PCCA: variants seen among roughly 807,000 people sequenced by gnomAD.
PCCA encodes propionyl-CoA carboxylase alpha chain, mitochondrial.
Under a neutral mutation model 101.3 loss-of-function variants are expected in PCCA, and 74 were observed. The observed-to-expected ratio is 0.73, with a 90% CI of 0.61 to 0.89. PCCA has a LOEUF of 0.89. Among genes scored for constraint, PCCA ranks in the 40% least tolerant of loss-of-function variants. PCCA has a pLI of 0.00. For synonymous variants in PCCA, 294 were observed against 313.6 expected (o/e 0.94, Z 0.66); for missense variants, 891 against 907.0 (o/e 0.98, Z 0.23).
chr13:100,327,759 C>T (rs55985544), intron 16 of PCCA, among the ~76,000 whole-genome samples: 13,184 of 152,190 alleles, frequency 0.087, 764 homozygotes, highest in Non-Finnish European at 0.13. Flanking sequence ...CCATGTAAAT[C>T]GGTATATTGA....
intron 16 of PCCA, among the ~76,000 whole-genome samples, chr13:100,318,413 T>C (rs2067619752): frequency 6.6e-6 from 1 of 152,074 alleles, no homozygotes; most frequent in Non-Finnish European, 1.5e-5. Context: ...TCATGTGCCA[T>C]GTTGGTGTGC....
chr13:100,347,224 C>T (rs956492534), intron 18 of PCCA, among the ~76,000 whole-genome samples: 5 of 152,182 alleles, frequency 3.3e-5, no homozygotes, highest in Non-Finnish European at 5.9e-5. Context: ...AGCTATCGCA[C>T]ACTTAATAGA....
At chr13:100,200,077 T>G (rs1206492080) in intron 6 of PCCA, among the ~76,000 whole-genome samples, 1 of 152,084 alleles carries the variant, frequency 6.6e-6, no homozygotes, top group South Asian at 2.1e-4. Context: ...TGTTTTACAT[T>G]TTCTGTTCCA....
In PCCA at chr13:100,140,366, G is replaced by A. The variant is rs79599831; in HGVS notation, c.301-14613G>A. Among the ~76,000 whole-genome samples the A allele has an allele frequency of 6.0e-3, 914 of 152,170 alleles. 5 individuals are homozygous for A. The highest frequency in any genetic ancestry group is 0.01 in the Non-Finnish European group (692 of 68,006). ...CTTGCTGGCATCTATGTCTGCCTCTGGTACCACAGCCACAAAATTACTTGG... is the reference window on the plus strand; with the variant it reads ...CTTGCTGGCATCTATGTCTGCCTCTAGTACCACAGCCACAAAATTACTTGG... On this transcript the variant is annotated intron_variant, in intron 4 of 23. Coordinates refer to ENST00000376285, the MANE Select transcript of PCCA (RefSeq NM_000282.4).
chr13:100,392,473 G>A (rs143599804), intron 19 of PCCA, among the ~76,000 whole-genome samples: 1,723 of 152,306 alleles, frequency 0.011, 40 homozygotes, highest in African/African-American at 0.039. Context: ...CCTAGGAAAT[G>A]TGATTTCAAA....
chr13:100,250,589 C>T (rs538038693), intron 8 of PCCA, among the ~76,000 whole-genome samples: 78 of 151,920 alleles, frequency 5.1e-4, no homozygotes, highest in Admixed American at 9.2e-4. Context: ...TTTGTAACAA[C>T]TGTTTTAAGA....
At chr13:100,252,346 C>T (rs1214647683) in intron 8 of PCCA, among the ~76,000 whole-genome samples, 1 of 152,184 alleles carries the variant, frequency 6.6e-6, no homozygotes, top group Non-Finnish European at 1.5e-5. Context: ...CATCACATCT[C>T]CTTGATTCAT....
At chr13:100,296,311 C>T (rs1009409739) in intron 12 of PCCA, among the ~76,000 whole-genome samples, 1 of 151,838 alleles carries the variant, frequency 6.6e-6, no homozygotes, top group African/African-American at 2.4e-5. Context: ...CTCCATCTTG[C>T]CTCACTGCAG....
Position 100,520,497 on chromosome 13 carries a change from C to T in PCCA, c.2040+4930C>T, listed in dbSNP as rs956330469. ...AAAAATACAAAAAATTAGCCGGGCG[C>T]AGTGGCGGGCGCCTGTAGTCCCAGC... On this transcript the variant is annotated intron_variant, in intron 22 of 23. Transcript: ENST00000376285. Among the ~76,000 whole-genome samples, 221 of 151,590 alleles carry T rather than the reference C, an allele frequency of 1.5e-3. 1 individual carries two copies. Among genetic ancestry groups the T allele is most frequent in the African/African-American group, 3.0e-3 (125 of 41,398 alleles).
At chr13:100,137,131 T>C (rs575185092) in intron 4 of PCCA, among the ~76,000 whole-genome samples, 2 of 152,250 alleles carry the variant, frequency 1.3e-5, no homozygotes, top group East Asian at 3.9e-4. Context: ...TTATTTAAAA[T>C]TGTTTAATTT....
chr13:100,482,634 G>A (rs1422045099), intron 21 of PCCA, among the ~76,000 whole-genome samples: 1 of 152,214 alleles, frequency 6.6e-6, no homozygotes, highest in East Asian at 1.9e-4. Context: ...CGTTCCCCAA[G>A]CTGAAATGCA....
intron 8 of PCCA, among the ~76,000 whole-genome samples, chr13:100,238,421 C>G (rs2060935352): frequency 6.6e-6 from 1 of 151,682 alleles, no homozygotes; most frequent in Non-Finnish European, 1.5e-5. Context: ...AGTCTTTTTT[C>G]TTTGTACTTG....
chr13:100,445,305 A>G (rs1268977700), intron 20 of PCCA, among the ~76,000 whole-genome samples: 1 of 152,176 alleles, frequency 6.6e-6, no homozygotes, highest in Non-Finnish European at 1.5e-5. Flanking sequence ...GAGGAGATAA[A>G]CTTTCAAACT....
intron 8 of PCCA, chr13:100,236,874 A>C (rs1358154277): frequency 6.6e-6 from 1 of 152,242 alleles, no homozygotes. Context: ...CAATATTGTT[A>C]AATAACTTTG....
At chr13:100,484,294 T>A (rs972513313) in intron 21 of PCCA, among the ~76,000 whole-genome samples, 8 of 152,284 alleles carry the variant, frequency 5.3e-5, no homozygotes, top group East Asian at 1.9e-4. Context: ...AGATCCACCG[T>A]GTTCTGCAGG....
chr13:100,360,486 A>G (rs1485973190), intron 18 of PCCA, among the ~76,000 whole-genome samples: 1 of 152,212 alleles, frequency 6.6e-6, no homozygotes, highest in African/African-American at 2.4e-5. Context: ...ACATGTGAGT[A>G]TATCTTCTGA....
At chr13:100,346,759 C>T (rs937376827) in intron 18 of PCCA, among the ~76,000 whole-genome samples, 4 of 152,114 alleles carry the variant, frequency 2.6e-5, no homozygotes, top group African/African-American at 4.8e-5. Flanking sequence ...AAGAAACTGC[C>T]GCAGCCTCCC....
intron 4 of PCCA, chr13:100,150,717 A>G (rs970821795): frequency 6.3e-7 from 1 of 1,580,724 alleles, no homozygotes; most frequent in Non-Finnish European, 8.6e-7. Flanking sequence ...AAAAATTTGT[A>G]TGTGGAATCT....
intron 2 of PCCA, among the ~76,000 whole-genome samples, chr13:100,107,744 C>T (rs775792838): frequency 6.6e-6 from 1 of 152,172 alleles, no homozygotes. Flanking sequence ...ATTATCAGAA[C>T]TGACTTCGTG....
Sources: allele counts gnomAD v4.1 joint callset (sites outside exome capture counted in the v4.1 genomes callset), GRCh38; gene constraint gnomAD v4.1.1; transcripts MANE v1.5; gene names NCBI Gene and HGNC (gene_info 2026-07-23, HGNC 2026-07-21).